Variants in ARL6IP1 observed in about 807,000 individuals in gnomAD.
ARL6IP1 encodes the protein ADP-ribosylation factor-like protein 6-interacting protein 1.
Under a neutral mutation model 30.1 loss-of-function variants are expected in ARL6IP1, and 16 were observed. The observed-to-expected ratio is 0.53, with a 90% CI of 0.36 to 0.81. The LOEUF (loss-of-function observed/expected upper bound fraction) is 0.81, where lower values mean the gene tolerates loss of function less well. ARL6IP1 is among the 30% of genes least tolerant of loss of function. The pLI is 0.01. For synonymous variants in ARL6IP1, 72 were observed against 84.8 expected, an observed-to-expected ratio of 0.85 and a Z score of 0.83; for missense variants, 173 against 242.7, an observed-to-expected ratio of 0.71 and a Z score of 1.91.
At chr16:18,799,193 G>A (rs886283379) in intron 1 of ARL6IP1, among the ~76,000 whole-genome samples, 4 of 152,022 alleles carry the variant, frequency 2.6e-5, no homozygotes, top group African/African-American at 9.7e-5. Context: ...CTAATTTTTT[G>A]TAGAGACAGG....
In ARL6IP1 at chr16:18,794,633, T is replaced by C. The variant is rs2030174661; in HGVS notation, c.459A>G (p.Gln153=). The part of the protein sequence containing the change: ...VSLAAVAWVG[Q]QVHNLLLTYL... ...AGGTGAGAAGCAGGTTGTGGACTTGTTGTCCCACCCAAGCAACCGCAGCAA... is the reference window on the plus strand; with the variant it reads ...AGGTGAGAAGCAGGTTGTGGACTTGCTGTCCCACCCAAGCAACCGCAGCAA... Residue 153 remains glutamine, a synonymous_variant, in exon 5 of 6, where the codon CAA becomes CAG. Transcript: ENST00000304414. 2.5e-6 allele frequency: 4 copies of C among 1,613,562 alleles called. No individual in the cohort carries two copies. The highest frequency in any genetic ancestry group is 3.4e-6 in the Non-Finnish European group (4 of 1,179,626).
chr16:18,793,809 A>C (rs1198575749), intron 5 of ARL6IP1, among the ~76,000 whole-genome samples: 1 of 152,222 alleles, frequency 6.6e-6, no homozygotes, highest in Non-Finnish European at 1.5e-5. Flanking sequence ...TCCCAGGTTC[A>C]AGCGATTCTC....
chr16:18,798,554 G>C, intron 2 of ARL6IP1, 147 bp downstream of exon 2: 3 of 859,802 alleles, frequency 3.5e-6, no homozygotes, highest in Non-Finnish European at 4.8e-6. Context: ...CTGGAAACTA[G>C]AAGTGCTTAT....
intron 5 of ARL6IP1, among the ~76,000 whole-genome samples, chr16:18,793,694 G>A (rs2030141386): frequency 6.6e-6 from 1 of 151,028 alleles, no homozygotes; most frequent in Non-Finnish European, 1.5e-5. Flanking sequence ...GCCTCCCAGA[G>A]TGCTGGGATT....
intron 1 of ARL6IP1, chr16:18,801,187 C>T: frequency 1.4e-6 from 2 of 1,405,774 alleles, no homozygotes; most frequent in Non-Finnish European, 1.8e-6. Flanking sequence ...CCACTTCCTC[C>T]TCGACTCCTA....
rs2030089741 is a variant in ARL6IP1, at chr16:18,792,230, A to T, written c.*1022T>A. 1 of 152,232 alleles carries T rather than the reference A, an allele frequency of 6.6e-6. No individual in the cohort carries two copies. 9.4% of individuals were successfully genotyped at this position (152,232 alleles called of 1,614,324 possible). ...TTCAGGGAGAAATCTCTAGGAAAAAAGTCAGACACCAGTGTAGTCACTATC... is the reference window on the plus strand; with the variant it reads ...TTCAGGGAGAAATCTCTAGGAAAAATGTCAGACACCAGTGTAGTCACTATC... On this transcript the variant is annotated 3_prime_UTR_variant, in exon 6 of 6. Coordinates refer to ENST00000304414, the MANE Select transcript of ARL6IP1 (RefSeq NM_015161.3).
chr16:18,794,630 T>C lies in ARL6IP1; in HGVS notation c.462A>G (p.Gln154=), dbSNP rs889840127. The stretch of plus-strand genomic sequence containing the variant: ...GGTAGGTGAGAAGCAGGTTGTGGAC[T>C]TGTTGTCCCACCCAAGCAACCGCAG... ...SLAAVAWVGQ[Q]VHNLLLTYLI... Residue 154 remains glutamine (Q), a synonymous_variant, in exon 5 of 6, where the codon CAA becomes CAG. Coordinates refer to ENST00000304414, the MANE Select transcript of ARL6IP1 (RefSeq NM_015161.3). The C allele has an allele frequency of 6.2e-7, 1 of 1,613,576 alleles. No individual in the cohort carries two copies. Among genetic ancestry groups the C allele is most frequent in the Non-Finnish European group, 8.5e-7 (1 of 1,179,648 alleles).
rs1030910729 is a variant in ARL6IP1 at position 18,792,204 on chromosome 16, T to C, written c.*1048A>G. The C allele has an allele frequency of 6.6e-6, 1 of 152,206 alleles. No individual in the cohort carries two copies. The highest frequency in any genetic ancestry group is 2.4e-5 in the African/African-American group (1 of 41,448). 9.4% of individuals were successfully genotyped at this position (152,206 alleles called of 1,614,324 possible). On this transcript the variant is annotated 3_prime_UTR_variant, in exon 6 of 6. Coordinates refer to ENST00000304414, the MANE Select transcript of ARL6IP1 (RefSeq NM_015161.3). ...TGCTCTCACCAACAGCCCTTGTATTTTTCAGGGAGAAATCTCTAGGAAAAA... is the reference window on the plus strand; with the variant it reads ...TGCTCTCACCAACAGCCCTTGTATTCTTCAGGGAGAAATCTCTAGGAAAAA...
chr16:18,799,176 C>T (rs1218077899), intron 1 of ARL6IP1, among the ~76,000 whole-genome samples: 1 of 152,102 alleles, frequency 6.6e-6, no homozygotes, highest in Admixed American at 6.5e-5. Context: ...CCCGCCACCA[C>T]GCCCGACTAA....
In ARL6IP1 at chr16:18,801,472, C is replaced by T. The variant is rs749259711; in HGVS notation, c.-6G>A. 26 of 1,612,398 alleles carry T rather than the reference C, an allele frequency of 1.6e-5. No homozygotes were observed. The South Asian group carries it at 2.3e-4, about 14-fold the overall frequency. On this transcript the variant is annotated 5_prime_UTR_variant, in exon 1 of 6. Coordinates refer to ENST00000304414, the MANE Select transcript of ARL6IP1 (RefSeq NM_015161.3). ...CGATTATCTCCCTCCGCCATCGTCT[C>T]GGGGATGCAGTCTCTACAAGCGCAG...
At chr16:18,797,396 A>G (rs2030273177) in intron 3 of ARL6IP1, among the ~76,000 whole-genome samples, 1 of 151,824 alleles carries the variant, frequency 6.6e-6, no homozygotes, top group Non-Finnish European at 1.5e-5. Context: ...AAAAAAAAAA[A>G]AAAGAGAATG....
rs554370802 is a variant in ARL6IP1, at chr16:18,794,595, T to A, written c.493+4A>T. 8 of 1,611,642 alleles carry A rather than the reference T, an allele frequency of 5.0e-6. No individual in the cohort carries two copies. The African/African-American group carries it at 9.3e-5, about 19-fold the overall frequency. On this transcript the variant is annotated splice_donor_region_variant and intron_variant, in intron 5 of 5. Transcript: ENST00000304414. ...GTGCCTGTAGTTTTTCCTCAAAGAC[T>A]TACCTATCAGGTAGGTGAGAAGCAG...
intron 1 of ARL6IP1, chr16:18,801,152 G>A (rs950820379): frequency 3.5e-5 from 48 of 1,367,852 alleles, no homozygotes; most frequent in Non-Finnish European, 4.4e-5. Flanking sequence ...CGCACCCCAG[G>A]CTAGTGTCGC....
Position 18,801,502 on chromosome 16 carries a change from C to G in ARL6IP1, c.-36G>C, listed in dbSNP as rs928893769. 6.2e-7 allele frequency: 1 copy of G among 1,607,412 alleles called. No individual in the cohort carries two copies. Among genetic ancestry groups the G allele is most frequent in the Non-Finnish European group, 8.5e-7 (1 of 1,177,642 alleles). Reference sequence around the variant, plus strand: ...ATGCAGTCTCTACAAGCGCAGGCCACCTCCCCAACGAGTCCTCCAACCGAA... The same window carrying G: ...ATGCAGTCTCTACAAGCGCAGGCCAGCTCCCCAACGAGTCCTCCAACCGAA... On this transcript the variant is annotated 5_prime_UTR_variant, in exon 1 of 6. Transcript: ENST00000304414.
rs755826785 is a variant in ARL6IP1 at position 18,793,073 on chromosome 16, C to T, written c.*179G>A. The T allele has an allele frequency of 3.1e-5, 16 of 515,414 alleles. No individual in the cohort carries two copies. The highest frequency in any genetic ancestry group is 4.1e-5 in the Non-Finnish European group (12 of 290,090). 31.9% of individuals were successfully genotyped at this position (515,414 alleles called of 1,614,324 possible). ...TGCTAAGAACGCGCTCAACTATACGCGACATGAAGACACTATGCACGAAGC... is the reference window on the plus strand; with the variant it reads ...TGCTAAGAACGCGCTCAACTATACGTGACATGAAGACACTATGCACGAAGC... On this transcript the variant is annotated 3_prime_UTR_variant, in exon 6 of 6. Coordinates refer to ENST00000304414, the MANE Select transcript of ARL6IP1 (RefSeq NM_015161.3).
rs551388718 is a variant in ARL6IP1, at chr16:18,800,312, G to C, written c.36+1119C>G. Reference sequence around the variant, plus strand: ...AACAGATACAGAGGTTAACTGATCTGCATCCAAGAAATCCACGACCAAAGG... The same window carrying C: ...AACAGATACAGAGGTTAACTGATCTCCATCCAAGAAATCCACGACCAAAGG... On this transcript the variant is annotated intron_variant, in intron 1 of 5. Transcript: ENST00000304414. 2.0e-5 allele frequency among the ~76,000 whole-genome samples: 3 copies of C among 152,314 alleles called. No individual in the cohort carries two copies. The East Asian group carries it at 5.8e-4, about 29-fold the overall frequency.
intron 2 of ARL6IP1, 40 bp from the exon 3 acceptor site, chr16:18,798,084 T>G: frequency 6.5e-7 from 1 of 1,527,678 alleles, no homozygotes; most frequent in Non-Finnish European, 8.9e-7. Flanking sequence ...AACATAGTCA[T>G]TATTATTCCT....
Position 18,801,522 on chromosome 16 carries a change from ACCGAAAC to A in ARL6IP1, c.-63_-57del. The A allele has an allele frequency of 6.3e-7, 1 of 1,595,690 alleles. No homozygotes were observed. On this transcript the variant is annotated 5_prime_UTR_variant, in exon 1 of 6. Coordinates refer to ENST00000304414, the MANE Select transcript of ARL6IP1 (RefSeq NM_015161.3). Reference sequence around the variant, plus strand: ...GGCCACCTCCCCAACGAGTCCTCCAACCGAAACCCGCACACCAACCACAACCCGAGGG... The same window carrying A: ...GGCCACCTCCCCAACGAGTCCTCCAACCGCACACCAACCACAACCCGAGGG...
At chr16:18,796,129 G>A (rs1187355550) in intron 3 of ARL6IP1, among the ~76,000 whole-genome samples, 1 of 152,098 alleles carries the variant, frequency 6.6e-6, no homozygotes, top group East Asian at 1.9e-4. Context: ...TTATCCCTAG[G>A]GAGGGAAAAT....
Sources: gnomAD v4.1 joint callset for allele counts (sites outside exome capture counted in the v4.1 genomes callset) on GRCh38, gnomAD v4.1.1 for gene constraint, MANE v1.5 for transcripts, NCBI Gene and HGNC (gene_info 2026-07-23, HGNC 2026-07-21) for gene names.